Variants in AKAP13 observed in about 807,000 individuals in gnomAD.
AKAP13 encodes A-kinase anchor protein 13.
Under a neutral mutation model 264.5 loss-of-function variants are expected in AKAP13, and 80 were observed. The observed-to-expected ratio is 0.30, with a 90% CI of 0.25 to 0.36. AKAP13 has a LOEUF of 0.36. Among genes scored for constraint, AKAP13 ranks in the 10% least tolerant of loss-of-function variants. AKAP13 has a pLI of 1.00. For synonymous variants in AKAP13, 1,380 were observed against 1,250.2 expected (o/e 1.10, Z -2.19); for missense variants, 3,712 against 3,435.2 (o/e 1.08, Z -2.01).
At chr15:85,710,237 A>C (rs946827585) in intron 18 of AKAP13, among the ~76,000 whole-genome samples, 12 of 152,142 alleles carry the variant, frequency 7.9e-5, no homozygotes, top group African/African-American at 2.9e-4. Context: ...AGTTACTATA[A>C]ATGAGAAAGG....
chr15:85,658,565 A>C lies in AKAP13; in HGVS notation c.4774A>C (p.Arg1592=). Residue 1592 remains arginine (R), a synonymous_variant, in exon 12 of 37, where the codon AGG becomes CGG. Transcript: ENST00000394518. The part of the protein sequence containing the change: ...SSMRVLGDVV[R]RPPIHRRSFS... ...AATGCGAGTTCTTGGGGATGTTGTCAGGAGACCTCCCATTCATAGGAGAAG... is the reference window on the plus strand; with the variant it reads ...AATGCGAGTTCTTGGGGATGTTGTCCGGAGACCTCCCATTCATAGGAGAAG... 6.2e-7 allele frequency: 1 copy of C among 1,613,976 alleles called. No homozygotes were observed. Among genetic ancestry groups the C allele is most frequent in the Non-Finnish European group, 8.5e-7 (1 of 1,179,914 alleles).
At chr15:85,686,606 CA>C (rs5814212) in intron 16 of AKAP13, among the ~76,000 whole-genome samples, 35,873 of 138,064 alleles carry the variant, frequency 0.26, 4,653 homozygotes, top group Non-Finnish European at 0.32. Context: ...TTTATAATTC[CA>C]AAAAAAAAAA....
At chr15:85,393,757 G>A (rs1299687019) in intron 1 of AKAP13, among the ~76,000 whole-genome samples, 1 of 152,082 alleles carries the variant, frequency 6.6e-6, no homozygotes, top group Non-Finnish European at 1.5e-5. Context: ...ATTTTGATCT[G>A]GGACATTGTG....
rs1351580195 is a variant in AKAP13 at position 85,573,506 on chromosome 15, C to T, written c.663-1625C>T. On this transcript the variant is annotated intron_variant, in intron 5 of 36. Transcript: ENST00000394518. ...GTTGCATTGAGCCAAGATCGCACCA[C>T]CGCACTCCAGCCTTGGCGACAGAGC... is the stretch of plus-strand genomic sequence containing the variant. Among the ~76,000 whole-genome samples the T allele has an allele frequency of 3.3e-5, 5 of 151,562 alleles. No homozygotes were observed. The South Asian group carries it at 6.2e-4, about 19-fold the overall frequency.
intron 20 of AKAP13, 147 bp from the exon 21 acceptor site, chr15:85,717,143 T>C (rs1038180595): frequency 9.0e-6 from 5 of 555,378 alleles, no homozygotes; most frequent in Middle Eastern, 4.4e-4. Flanking sequence ...TGCATGTTGC[T>C]GTGGCCCCGA....
intron 6 of AKAP13, among the ~76,000 whole-genome samples, chr15:85,576,682 G>A (rs1181623789): frequency 6.6e-6 from 1 of 152,250 alleles, no homozygotes; most frequent in African/African-American, 2.4e-5. Flanking sequence ...AGCAAGCCAA[G>A]AAATTCCATA....
chr15:85,571,644 A>G (rs1371481469), intron 5 of AKAP13, among the ~76,000 whole-genome samples: 2 of 152,238 alleles, frequency 1.3e-5, no homozygotes, highest in Non-Finnish European at 2.9e-5. Flanking sequence ...AGCACTTGCT[A>G]TCTTCTAGGT....
chr15:85,427,753 CTTGGT>C (rs2072860788), intron 1 of AKAP13, among the ~76,000 whole-genome samples: 1 of 152,108 alleles, frequency 6.6e-6, no homozygotes, highest in African/African-American at 2.4e-5. Flanking sequence ...TGAAGGAAGT[CTTGGT>C]TTAAGTGGAG....
intron 8 of AKAP13, among the ~76,000 whole-genome samples, chr15:85,610,927 C>T (rs1052173647): frequency 6.6e-6 from 1 of 152,174 alleles, no homozygotes; most frequent in Non-Finnish European, 1.5e-5. Flanking sequence ...TGCAGTGAGT[C>T]GACATCGCGC....
At chr15:85,682,497 C>G (rs2084652047) in intron 15 of AKAP13, among the ~76,000 whole-genome samples, 1 of 152,102 alleles carries the variant, frequency 6.6e-6, no homozygotes, top group African/African-American at 2.4e-5. Context: ...GCACCCTTTG[C>G]TTATGGGATT....
chr15:85,477,741 C>T (rs1056021279), intron 1 of AKAP13, among the ~76,000 whole-genome samples: 13 of 150,852 alleles, frequency 8.6e-5, no homozygotes, highest in African/African-American at 3.2e-4. Flanking sequence ...TTATTTTTCC[C>T]TTGTATAATG....
chr15:85,395,252 A>G (rs183450281), intron 1 of AKAP13, among the ~76,000 whole-genome samples: 126 of 152,312 alleles, frequency 8.3e-4, no homozygotes, highest in African/African-American at 2.8e-3. Context: ...TGTTCTTTTA[A>G]TGGGGCTGTA....
chr15:85,719,016 T>C, intron 22 of AKAP13, 60 bp from the exon 23 acceptor site: 1 of 1,591,798 alleles, frequency 6.3e-7, no homozygotes, highest in Non-Finnish European at 8.6e-7. Flanking sequence ...GCAGATGATC[T>C]TTGAGGGCGA....
At chr15:85,638,947 T>G (rs1025013341) in intron 8 of AKAP13, among the ~76,000 whole-genome samples, 1 of 152,122 alleles carries the variant, frequency 6.6e-6, no homozygotes, top group Non-Finnish European at 1.5e-5. Flanking sequence ...TTAGTAGAGA[T>G]GGGGTTTTGC....
At chr15:85,647,491 T>G (rs2082609089) in intron 10 of AKAP13, among the ~76,000 whole-genome samples, 1 of 151,122 alleles carries the variant, frequency 6.6e-6, no homozygotes, top group South Asian at 2.1e-4. Context: ...GAATGTACCC[T>G]GTGTGCCTTC....
chr15:85,740,608 A>C (rs758592717), intron 34 of AKAP13: 20 of 351,446 alleles, frequency 5.7e-5, no homozygotes, highest in South Asian at 2.4e-4. Flanking sequence ...GTATTTGAAT[A>C]GAGTGGCCTT....
At chr15:85,609,159 A>C (rs2080484496) in intron 8 of AKAP13, among the ~76,000 whole-genome samples, 1 of 152,160 alleles carries the variant, frequency 6.6e-6, no homozygotes, top group Non-Finnish European at 1.5e-5. Context: ...GCTAGTTTGA[A>C]ATATACAATA....
chr15:85,447,512 C>T (rs893031080), intron 1 of AKAP13, among the ~76,000 whole-genome samples: 2 of 151,994 alleles, frequency 1.3e-5, no homozygotes, highest in Non-Finnish European at 2.9e-5. Flanking sequence ...TTTTCTGCTC[C>T]TCTCCCTCCT....
chr15:85,617,131 T>A (rs1411697744), intron 8 of AKAP13, among the ~76,000 whole-genome samples: 1 of 152,258 alleles, frequency 6.6e-6, no homozygotes, highest in Non-Finnish European at 1.5e-5. Flanking sequence ...TACCTATTTA[T>A]TTTGCTTGCC....
Sources: gnomAD v4.1 joint callset for allele counts (sites outside exome capture counted in the v4.1 genomes callset) on GRCh38, gnomAD v4.1.1 for gene constraint, MANE v1.5 for transcripts, NCBI Gene and HGNC (gene_info 2026-07-23, HGNC 2026-07-21) for gene names.